GC: variants seen among roughly 807,000 people sequenced by gnomAD.
GC encodes vitamin D-binding protein.
In GC, 43 loss-of-function variants were observed where a neutral mutation model predicts 56.7. That is an observed-to-expected ratio of 0.76 (90% CI 0.59 to 0.98). The LOEUF (loss-of-function observed/expected upper bound fraction) is 0.98, where lower values mean the gene tolerates loss of function less well. GC is among the 50% of genes least tolerant of loss of function. The pLI, the probability that GC is intolerant of heterozygous loss-of-function variation, is 0.00. For missense variants in GC, 529 were observed against 545.9 expected (o/e 0.97, Z 0.31); for synonymous variants, 216 against 202.7 (o/e 1.07, Z -0.56).
At chr4:71,789,192 G>A (rs1390685469) in intron 1 of GC, among the ~76,000 whole-genome samples, 1 of 151,766 alleles carries the variant, frequency 6.6e-6, no homozygotes, top group East Asian at 1.9e-4. Flanking sequence ...TAATATGTGA[G>A]AGAATGAGAA....
intron 1 of GC, among the ~76,000 whole-genome samples, chr4:71,792,654 CTTTAA>C (rs1474447214): frequency 2.6e-5 from 4 of 152,078 alleles, no homozygotes; most frequent in Admixed American, 2.0e-4. Flanking sequence ...TGCAGAAGCT[CTTTAA>C]TTTAATTGGA....
chr4:71,778,891 G>GTTTA (rs1553950112), intron 1 of GC, among the ~76,000 whole-genome samples: 26 of 143,318 alleles, frequency 1.8e-4, no homozygotes, highest in African/African-American at 6.2e-4. Context: ...ATTGCTGTCA[G>GTTTA]TTATTATTAT....
In GC at chr4:71,757,606, A is replaced by AAAT. The variant is rs200504907; in HGVS notation, c.831+433_831+435dup. ...TTAATGGAACTTTACGCAATAATGA[A>AAAT]AATGATCTGTATTTGCACTATCCAA... is the stretch of plus-strand genomic sequence containing the variant. On this transcript the variant is annotated intron_variant, in intron 7 of 12. Coordinates refer to ENST00000273951, the MANE Select transcript of GC (RefSeq NM_000583.4). 6.7e-5 allele frequency among the ~76,000 whole-genome samples: 3 copies of AAAT among 45,088 alleles called. 1 individual carries two copies. The South Asian group carries it at 0.014, about 207-fold the overall frequency. The allele number at this position is 45,088 out of a possible 152,430, so 29.6% of individuals were successfully genotyped here.
At chr4:71,801,659 G>C (rs1423661983) in intron 1 of GC, among the ~76,000 whole-genome samples, 1 of 151,958 alleles carries the variant, frequency 6.6e-6, no homozygotes, top group Non-Finnish European at 1.5e-5. Context: ...ACCTAAAAGA[G>C]AAAATACTCT....
At chr4:71,754,803 A>T (rs1012460679) in intron 9 of GC, among the ~76,000 whole-genome samples, 175 bp downstream of exon 9, 23 of 152,354 alleles carry the variant, frequency 1.5e-4, no homozygotes, top group Admixed American at 1.4e-3. Flanking sequence ...TTCATGGGTC[A>T]TGAGATACTG....
intron 1 of GC, among the ~76,000 whole-genome samples, chr4:71,799,049 A>G (rs913711024): frequency 6.6e-6 from 1 of 152,316 alleles, no homozygotes; most frequent in Admixed American, 6.5e-5. Flanking sequence ...TGCCCAAAAG[A>G]AACCCCGTAG....
Position 71,755,091 on chromosome 4 carries a change from T to A in GC, c.1051A>T (p.Ser351Cys). The change falls in exon 9 of 13, where the codon AGC (serine) becomes TGC (cysteine). Residue 351 changes from serine to cysteine, a missense_variant. Coordinates refer to ENST00000273951, the MANE Select transcript of GC (RefSeq NM_000583.4). ...KVMDKYTFEL[S>C]RRTHLPEVFL... ...ACTTCCGGAAGATGAGTCCTTCTGC[T>A]TAGTTCAAATGTATACCTAGCATGA... The A allele has an allele frequency of 6.3e-7, 1 of 1,579,352 alleles. No individual in the cohort carries two copies. Among genetic ancestry groups the A allele is most frequent in the Non-Finnish European group, 8.6e-7 (1 of 1,156,264 alleles).
At chr4:71,776,718 A>G (rs188293243) in intron 1 of GC, among the ~76,000 whole-genome samples, 49 of 152,078 alleles carry the variant, frequency 3.2e-4, no homozygotes, top group Admixed American at 2.2e-3. Context: ...TCCCCATTAT[A>G]TATAGATATC....
intron 6 of GC, among the ~76,000 whole-genome samples, chr4:71,762,549 G>A (rs222008): frequency 6.6e-6 from 1 of 152,182 alleles, no homozygotes; most frequent in Admixed American, 6.5e-5. Flanking sequence ...GGAAGTGCCA[G>A]GGGTGGGATG....
chr4:71,768,485 T>A (rs764976608), intron 2 of GC, 52 bp from the exon 3 acceptor site: 1 of 1,532,538 alleles, frequency 6.5e-7, no homozygotes, highest in Non-Finnish European at 8.9e-7. Flanking sequence ...GTTTTTTTTT[T>A]TGAGACGGAG....
At chr4:71,779,268 C>A (rs1360486884) in intron 1 of GC, among the ~76,000 whole-genome samples, 1 of 151,650 alleles carries the variant, frequency 6.6e-6, no homozygotes, top group Non-Finnish European at 1.5e-5. Flanking sequence ...AATGAACAAC[C>A]AGTGATAAGG....
chr4:71,769,472 A>G, intron 1 of GC, 72 bp from the exon 2 acceptor site: 1 of 993,976 alleles, frequency 1.0e-6, no homozygotes, highest in Non-Finnish European at 1.6e-6. Flanking sequence ...TACATGTATA[A>G]AGTGATCTTC....
upstream of GC, among the ~76,000 whole-genome samples, chr4:71,788,721 GAA>G (rs1020765013): frequency 1.3e-5 from 2 of 150,626 alleles, no homozygotes; most frequent in African/African-American, 4.9e-5. Flanking sequence ...GAGAAAGAAA[GAA>G]AGAAATTGAA....
At chr4:71,799,066 CT>C (rs1743184151) in intron 1 of GC, among the ~76,000 whole-genome samples, 2 of 152,116 alleles carry the variant, frequency 1.3e-5, no homozygotes, top group African/African-American at 4.8e-5. Context: ...GTAGTTCCCC[CT>C]TTTGGCATGA....
intron 12 of GC, among the ~76,000 whole-genome samples, chr4:71,744,319 C>T (rs1052405986): frequency 4.0e-5 from 6 of 149,702 alleles, no homozygotes; most frequent in African/African-American, 9.8e-5. Flanking sequence ...ATTAGCTGGG[C>T]GTGGTGGCGG....
chr4:71,776,879 T>C (rs1742524253), intron 1 of GC, among the ~76,000 whole-genome samples: 1 of 151,962 alleles, frequency 6.6e-6, no homozygotes, highest in Non-Finnish European at 1.5e-5. Flanking sequence ...GAAGTTATAC[T>C]GTATAAACCG....
intron 12 of GC, among the ~76,000 whole-genome samples, 191 bp downstream of exon 12, chr4:71,745,960 A>G (rs1042726317): frequency 5.9e-5 from 9 of 151,932 alleles, no homozygotes; most frequent in Non-Finnish European, 1.0e-4. Context: ...AGTCTTACAT[A>G]TATCAGAAAT....
chr4:71,802,231 T>C (rs547750389), intron 1 of GC, among the ~76,000 whole-genome samples: 2 of 152,330 alleles, frequency 1.3e-5, no homozygotes, highest in Admixed American at 1.3e-4. Flanking sequence ...TCTTAGGTTA[T>C]CTAGTGCTTT....
intron 12 of GC, among the ~76,000 whole-genome samples, chr4:71,743,861 G>T (rs1043615557): frequency 6.6e-6 from 1 of 152,180 alleles, no homozygotes; most frequent in African/African-American, 2.4e-5. Flanking sequence ...AAAATCCATG[G>T]AAGGGATATG....
Sources: gnomAD v4.1 joint callset for allele counts (sites outside exome capture counted in the v4.1 genomes callset) on GRCh38, gnomAD v4.1.1 for gene constraint, MANE v1.5 for transcripts, NCBI Gene and HGNC (gene_info 2026-07-23, HGNC 2026-07-21) for gene names.